DAB1: variants seen among roughly 807,000 people sequenced by gnomAD.
DAB1 encodes the protein disabled homolog 1.
A neutral mutation model predicts 64.6 loss-of-function variants in DAB1; 15 were observed. The ratio of observed to expected loss-of-function variants is 0.23; its 90% CI spans 0.16 to 0.36. DAB1 has a LOEUF of 0.36. Ranked by LOEUF, DAB1 falls within the 10% of genes least tolerant of loss-of-function variation. The pLI is 1.00. For synonymous variants in DAB1, 235 were observed against 251.9 expected (o/e 0.93, Z 0.64); for missense variants, 596 against 706.7 (o/e 0.84, Z 1.78).
At chr1:58,356,958 T>A (rs1644117175) in intron 3 of DAB1, among the ~76,000 whole-genome samples, 1 of 146,986 alleles carries the variant, frequency 6.8e-6, no homozygotes, top group South Asian at 2.1e-4. Flanking sequence ...CCCAGGGAGT[T>A]GAGGCTGTAG....
chr1:57,873,274 ACT>A (rs1177114755), intron 1 of DAB1, among the ~76,000 whole-genome samples: 1 of 152,052 alleles, frequency 6.6e-6, no homozygotes, highest in African/African-American at 2.4e-5. Context: ...CATAAAGCTA[ACT>A]CTATATTCTG....
At chr1:58,451,976 G>A (rs565590560) in intron 3 of DAB1, among the ~76,000 whole-genome samples, 2 of 145,594 alleles carry the variant, frequency 1.4e-5, no homozygotes, top group Non-Finnish European at 3.0e-5. Flanking sequence ...GGAGTGCAAT[G>A]GCACGATCTC....
chr1:58,291,006 G>T (rs904557322), intron 4 of DAB1, among the ~76,000 whole-genome samples: 1 of 152,294 alleles, frequency 6.6e-6, no homozygotes, highest in Middle Eastern at 3.4e-3. Context: ...AATATCATGA[G>T]AGGAGAGAGA....
At chr1:58,499,616 T>C (rs905511459) in intron 3 of DAB1, among the ~76,000 whole-genome samples, 7 of 152,188 alleles carry the variant, frequency 4.6e-5, no homozygotes, top group South Asian at 2.1e-4. Context: ...AAATGTACTG[T>C]ATATTTGAAA....
chr1:57,912,947 T>C (rs918819289), intron 5 of DAB1, among the ~76,000 whole-genome samples: 1 of 151,988 alleles, frequency 6.6e-6, no homozygotes, highest in African/African-American at 2.4e-5. Context: ...TAAAAGAGGA[T>C]ACAAACAAAT....
chr1:58,014,597 T>C (rs1175549643), intron 5 of DAB1, among the ~76,000 whole-genome samples: 1 of 152,240 alleles, frequency 6.6e-6, no homozygotes, highest in Non-Finnish European at 1.5e-5. Flanking sequence ...CAGTCATATC[T>C]TGCCCCCATA....
At chr1:58,506,082 T>C in exon 3 of DAB1, 2 of 871,510 alleles carry the variant, frequency 2.3e-6, no homozygotes, top group Non-Finnish European at 4.0e-6. Context: ...TCTATCCAAG[T>C]ACTCAACTCG....
chr1:57,969,409 C>G (rs1320484129), intron 5 of DAB1, among the ~76,000 whole-genome samples: 2 of 152,164 alleles, frequency 1.3e-5, no homozygotes, highest in Admixed American at 1.3e-4. Context: ...GTGGAGCCAT[C>G]TTGGCTCACC....
At chr1:57,546,106 C>CGG (rs1296062515) in intron 7 of DAB1, among the ~76,000 whole-genome samples, 1 of 147,448 alleles carries the variant, frequency 6.8e-6, no homozygotes, top group Non-Finnish European at 1.5e-5. Context: ...TGTGCGCGCA[C>CGG]GTGTGCATGT....
intron 1 of DAB1, among the ~76,000 whole-genome samples, chr1:57,851,169 G>T (rs1298204494): frequency 6.6e-6 from 1 of 152,074 alleles, no homozygotes; most frequent in Non-Finnish European, 1.5e-5. Context: ...TCAAATCGAG[G>T]GTCTGACAAT....
At chr1:58,178,703 C>T (rs765808086) in intron 4 of DAB1, among the ~76,000 whole-genome samples, 16 of 152,102 alleles carry the variant, frequency 1.1e-4, no homozygotes, top group Non-Finnish European at 2.1e-4. Flanking sequence ...AAGTCTGACA[C>T]ATTTTCTCCT....
At chr1:57,366,161 A>C (rs929057170) in intron 1 of DAB1, among the ~76,000 whole-genome samples, 12 of 152,202 alleles carry the variant, frequency 7.9e-5, no homozygotes, top group African/African-American at 2.9e-4. Flanking sequence ...CCAAAACAGC[A>C]AAATGGCATT....
At chr1:57,385,814 A>G (rs547578685) in intron 1 of DAB1, among the ~76,000 whole-genome samples, 42 of 152,298 alleles carry the variant, frequency 2.8e-4, no homozygotes, top group African/African-American at 1.0e-3. Context: ...GGTACCATGG[A>G]GTCTACCAAA....
intron 4 of DAB1, among the ~76,000 whole-genome samples, chr1:57,133,060 A>T (rs1278879604): frequency 6.6e-6 from 1 of 152,156 alleles, no homozygotes; most frequent in East Asian, 1.9e-4. Context: ...CCAAATGGTG[A>T]TAATAATAGC....
At chr1:57,049,369 T>G (rs897432809) in intron 9 of DAB1, among the ~76,000 whole-genome samples, 9 of 137,276 alleles carry the variant, frequency 6.6e-5, no homozygotes, top group African/African-American at 2.5e-4. Context: ...GAGAATGGCA[T>G]GAACCCGGGA....
At chr1:57,265,610 A>T (rs1017687992) in intron 2 of DAB1, among the ~76,000 whole-genome samples, 2 of 152,210 alleles carry the variant, frequency 1.3e-5, no homozygotes, top group Admixed American at 1.3e-4. Flanking sequence ...AGTAACAAAG[A>T]CATTCCCAGG....
chr1:57,251,402 C>T (rs1323075791), intron 2 of DAB1, among the ~76,000 whole-genome samples: 1 of 152,092 alleles, frequency 6.6e-6, no homozygotes, highest in East Asian at 1.9e-4. Flanking sequence ...GGATGTACAC[C>T]GTTTCATCTT....
intron 6 of DAB1, among the ~76,000 whole-genome samples, chr1:57,658,373 T>A (rs1003259856): frequency 1.3e-5 from 2 of 150,400 alleles, no homozygotes; most frequent in Non-Finnish European, 3.0e-5. Flanking sequence ...GCGTGATTTC[T>A]GCTCACTGCA....
intron 6 of DAB1, among the ~76,000 whole-genome samples, chr1:57,715,808 G>A (rs1487388664): frequency 6.6e-6 from 1 of 152,058 alleles, no homozygotes; most frequent in Non-Finnish European, 1.5e-5. Context: ...TCGAAAGATA[G>A]GCCACGTTCA....
Sources: allele counts gnomAD v4.1 joint callset (sites outside exome capture counted in the v4.1 genomes callset), GRCh38; gene constraint gnomAD v4.1.1; transcripts MANE v1.5; gene names NCBI Gene and HGNC (gene_info 2026-07-23, HGNC 2026-07-21).